PRKCQ: variants seen among roughly 807,000 people sequenced by gnomAD.
PRKCQ encodes protein kinase C theta.
In PRKCQ, 41 loss-of-function variants were observed where a neutral mutation model predicts 91.2. The ratio of observed to expected loss-of-function variants is 0.45; its 90% CI spans 0.35 to 0.58. PRKCQ has a LOEUF of 0.58. PRKCQ is among the 20% of genes least tolerant of loss of function. PRKCQ has a pLI of 0.00. For synonymous variants in PRKCQ, 307 were observed against 316.9 expected (o/e 0.97, Z 0.33); for missense variants, 673 against 896.5 (o/e 0.75, Z 3.18).
intron 14 of PRKCQ, among the ~76,000 whole-genome samples, chr10:6,460,002 A>G (rs921693170): frequency 2.6e-5 from 4 of 152,252 alleles, no homozygotes; most frequent in African/African-American, 9.6e-5. Flanking sequence ...TTACACACAG[A>G]CAGTTGAATA....
At chr10:6,418,365 C>T in the PRKCQ span, among the ~76,000 whole-genome samples, 1 of 152,210 alleles carries the variant, frequency 6.6e-6, no homozygotes, top group African/African-American at 2.4e-5. Flanking sequence ...AGAATCCGTG[C>T]TCCTTCATGG....
At chr10:6,569,946 G>A (rs996316781) in intron 1 of PRKCQ, among the ~76,000 whole-genome samples, 1 of 152,096 alleles carries the variant, frequency 6.6e-6, no homozygotes, top group Non-Finnish European at 1.5e-5. Flanking sequence ...GAGGAGATAG[G>A]TATGGAGGCT....
intron 12 of PRKCQ, among the ~76,000 whole-genome samples, chr10:6,469,126 T>C (rs1386082837): frequency 6.6e-6 from 1 of 152,210 alleles, no homozygotes; most frequent in Non-Finnish European, 1.5e-5. Context: ...TTGCAAGATT[T>C]GGAGCGAGTG....
At chr10:6,552,806 T>C (rs774022328) in intron 1 of PRKCQ, among the ~76,000 whole-genome samples, 31 of 152,218 alleles carry the variant, frequency 2.0e-4, no homozygotes, top group Non-Finnish European at 3.7e-4. Context: ...CTCTTAAAAA[T>C]TGTGAGAAAA....
chr10:6,415,495 T>A, the PRKCQ span, among the ~76,000 whole-genome samples: 1 of 145,188 alleles, frequency 6.9e-6, no homozygotes, highest in South Asian at 2.2e-4. Context: ...AGCTCATTCA[T>A]GAACTTCAGG....
intron 8 of PRKCQ, among the ~76,000 whole-genome samples, chr10:6,488,928 C>A (rs116224260): frequency 6.6e-6 from 1 of 151,970 alleles, no homozygotes; most frequent in Non-Finnish European, 1.5e-5. Context: ...CACAGGCGTG[C>A]ACACCACTAC....
At chr10:6,496,427 T>G (rs1837606371) in intron 7 of PRKCQ, among the ~76,000 whole-genome samples, 1 of 152,134 alleles carries the variant, frequency 6.6e-6, no homozygotes, top group Non-Finnish European at 1.5e-5. Flanking sequence ...CAACATAAAA[T>G]TATGCCTCTG....
At chr10:6,421,690 G>C in the PRKCQ span, among the ~76,000 whole-genome samples, 1 of 152,324 alleles carries the variant, frequency 6.6e-6, no homozygotes, top group Non-Finnish European at 1.5e-5. The surrounding 1 kb of genome is among the most constrained non-coding windows in gnomAD (Gnocchi z 4.1). Context: ...TTTGTCATGT[G>C]CTATAAGAAA....
chr10:6,567,080 T>A (rs1349022591), intron 1 of PRKCQ, among the ~76,000 whole-genome samples: 2 of 152,176 alleles, frequency 1.3e-5, no homozygotes, highest in African/African-American at 4.8e-5. Context: ...ACTCGGTACA[T>A]GCTCTCAGGC....
At chr10:6,442,572 T>C (rs1267136573) in intron 15 of PRKCQ, among the ~76,000 whole-genome samples, 1 of 152,196 alleles carries the variant, frequency 6.6e-6, no homozygotes, top group African/African-American at 2.4e-5. Context: ...AGCCTTGCTA[T>C]CTATGGCTGT....
At chr10:6,478,295 C>T (rs555853687) in intron 12 of PRKCQ, among the ~76,000 whole-genome samples, 13 of 152,018 alleles carry the variant, frequency 8.6e-5, no homozygotes, top group Non-Finnish European at 1.6e-4. Flanking sequence ...GTATTAATGG[C>T]GAGTATATCT....
intron 1 of PRKCQ, among the ~76,000 whole-genome samples, chr10:6,522,584 T>C (rs1449843895): frequency 6.6e-6 from 1 of 152,102 alleles, no homozygotes; most frequent in Non-Finnish European, 1.5e-5. Flanking sequence ...TATACTCTCA[T>C]CAATTGAAAA....
intron 11 of PRKCQ, among the ~76,000 whole-genome samples, chr10:6,479,966 T>A (rs1468366748): frequency 6.6e-6 from 1 of 151,360 alleles, no homozygotes; most frequent in Non-Finnish European, 1.5e-5. Flanking sequence ...TAAAAAAAAA[T>A]AAATAAGTAA....
intron 1 of PRKCQ, among the ~76,000 whole-genome samples, chr10:6,547,818 A>G (rs1840021312): frequency 6.6e-6 from 1 of 151,570 alleles, no homozygotes; most frequent in Non-Finnish European, 1.5e-5. Flanking sequence ...GGACATAGGC[A>G]TGGGCAAGGA....
chr10:6,452,320 C>T (rs1021895906), intron 15 of PRKCQ, among the ~76,000 whole-genome samples: 5 of 152,086 alleles, frequency 3.3e-5, no homozygotes, highest in Non-Finnish European at 5.9e-5. Context: ...CTCCCATTCA[C>T]GATTGCTTCA....
chr10:6,537,951 G>C (rs1297701603), intron 1 of PRKCQ, among the ~76,000 whole-genome samples: 2 of 152,142 alleles, frequency 1.3e-5, no homozygotes, highest in African/African-American at 4.8e-5. Flanking sequence ...GGGATGGTTT[G>C]GAAATAAAAG....
chr10:6,560,577 G>T (rs1466668436), intron 1 of PRKCQ, among the ~76,000 whole-genome samples: 1 of 152,086 alleles, frequency 6.6e-6, no homozygotes, highest in Non-Finnish European at 1.5e-5. Context: ...GCACTTCGTG[G>T]CTATTCTAAT....
At chr10:6,464,648 A>G (rs1835543360) in intron 12 of PRKCQ, among the ~76,000 whole-genome samples, 1 of 152,150 alleles carries the variant, frequency 6.6e-6, no homozygotes, top group East Asian at 1.9e-4. Flanking sequence ...GGGTTTCGCC[A>G]TGTTAGCCAG....
chr10:6,415,636 G>A, the PRKCQ span, among the ~76,000 whole-genome samples: 2 of 151,568 alleles, frequency 1.3e-5, no homozygotes, highest in East Asian at 1.9e-4. Context: ...TTCCCTCTGC[G>A]CTGAGATCCC....
Sources: allele counts gnomAD v4.1 joint callset (sites outside exome capture counted in the v4.1 genomes callset), GRCh38; gene constraint gnomAD v4.1.1; non-coding constraint Gnocchi (gnomAD v3.1); transcripts MANE v1.5; gene names NCBI Gene and HGNC (gene_info 2026-07-23, HGNC 2026-07-21).